BBS2: variants seen among roughly 807,000 people sequenced by gnomAD.
BBS2 encodes Bardet-Biedl syndrome 2.
BBS2 carries 62 observed loss-of-function variants against 83.0 expected under a neutral mutation model. The observed-to-expected ratio is 0.75, with a 90% CI of 0.61 to 0.92. The LOEUF is 0.92. BBS2 is among the 40% of genes least tolerant of loss of function. The pLI is 0.00. For missense variants in BBS2, 784 were observed against 901.0 expected (o/e 0.87, Z 1.66); for synonymous variants, 303 against 326.1 (o/e 0.93, Z 0.76).
At chr16:56,509,853 C>T (rs890120327) in intron 5 of BBS2, 104 bp downstream of exon 5, 1 of 1,224,148 alleles carries the variant, frequency 8.2e-7, no homozygotes, top group Non-Finnish European at 1.2e-6. Flanking sequence ...TATCCTAAAA[C>T]CACCTGGGTT....
intron 17 of BBS2, chr16:56,478,408 C>T (rs1187509934): frequency 6.6e-6 from 1 of 152,182 alleles, no homozygotes; most frequent in African/African-American, 2.4e-5. Flanking sequence ...AGTGTAGCAA[C>T]ACTCAAGTGG....
intron 1 of BBS2, among the ~76,000 whole-genome samples, chr16:56,516,972 C>G (rs749096364): frequency 3.9e-5 from 6 of 152,038 alleles, no homozygotes; most frequent in Non-Finnish European, 5.9e-5. Context: ...TTACACAGGA[C>G]AAGGGATCTC....
chr16:56,511,322 T>A (rs1264928945), intron 2 of BBS2, 38 bp from the exon 3 acceptor site: 1 of 1,611,636 alleles, frequency 6.2e-7, no homozygotes, highest in South Asian at 1.1e-5. Context: ...TTAGACACGA[T>A]AATATGCAGG....
chr16:56,504,342 G>GTTA (rs776066028), intron 7 of BBS2, among the ~76,000 whole-genome samples: 4 of 152,134 alleles, frequency 2.6e-5, no homozygotes, highest in Non-Finnish European at 5.9e-5. Context: ...CAAATAAGAA[G>GTTA]GCTCATTTGC....
chr16:56,490,824 C>A (rs963966633), intron 15 of BBS2, among the ~76,000 whole-genome samples: 2 of 151,100 alleles, frequency 1.3e-5, no homozygotes, highest in African/African-American at 2.4e-5. Flanking sequence ...GGCAGTGGTG[C>A]GATCTCAGCT....
chr16:56,497,972 A>G, intron 13 of BBS2, 92 bp from the exon 14 acceptor site: 1 of 1,304,828 alleles, frequency 7.7e-7, no homozygotes, highest in East Asian at 2.3e-5. Flanking sequence ...ACTCAACAAA[A>G]TTATTGTGCA....
At chr16:56,497,580 C>A in intron 14 of BBS2, 163 bp downstream of exon 14, 1 of 884,312 alleles carries the variant, frequency 1.1e-6, no homozygotes, top group East Asian at 2.6e-5. Context: ...AAAATAAATC[C>A]TTAAGTAGTA....
In BBS2 at chr16:56,520,008, C is replaced by T. The variant is rs886052153; in HGVS notation, c.-146G>A. 12 of 720,046 alleles carry T rather than the reference C, an allele frequency of 1.7e-5. No homozygotes were observed. The highest frequency in any genetic ancestry group is 3.0e-5 in the Non-Finnish European group (12 of 403,664). The allele number at this position is 720,046 out of a possible 1,614,324, so 44.6% of individuals were successfully genotyped here. A position where few individuals can be genotyped will look rare whatever the true frequency, so the allele number is the denominator to read the frequency against. On this transcript the variant is annotated 5_prime_UTR_variant, in exon 1 of 17. Coordinates refer to ENST00000245157, the MANE Select transcript of BBS2 (RefSeq NM_031885.5). ...GGACGCGAAACAGCCCGGGACGAAC[C>T]CGTCCAGGTACCGCCTGCTCCTCCT...
intron 5 of BBS2, 39 bp downstream of exon 5, chr16:56,509,918 T>C (rs759212040): frequency 6.2e-7 from 1 of 1,600,096 alleles, no homozygotes; most frequent in Non-Finnish European, 8.6e-7. Flanking sequence ...CTGATCTATC[T>C]TGCTCAAGGT....
At chr16:56,480,440 G>C (rs1963642955), downstream of BBS2, among the ~76,000 whole-genome samples, 1 of 148,286 alleles carries the variant, frequency 6.7e-6, no homozygotes, top group Non-Finnish European at 1.5e-5. Context: ...TTTTTTTTGA[G>C]ACGGAGTCTC....
chr16:56,511,464 A>G (rs1964575260), intron 2 of BBS2, among the ~76,000 whole-genome samples, 180 bp from the exon 3 acceptor site: 2 of 152,200 alleles, frequency 1.3e-5, no homozygotes, highest in South Asian at 2.1e-4. Context: ...CTACTTTACT[A>G]TTAAGTCCTT....
intron 10 of BBS2, 52 bp downstream of exon 10, chr16:56,501,301 A>C (rs2144144807): frequency 6.3e-7 from 1 of 1,599,134 alleles, no homozygotes; most frequent in Non-Finnish European, 8.6e-7. Context: ...AAAAAGAATG[A>C]CTCCAAGATG....
intron 12 of BBS2, chr16:56,499,298 C>A: frequency 4.5e-6 from 1 of 221,358 alleles, no homozygotes; most frequent in Non-Finnish European, 9.0e-6. Flanking sequence ...ATCATGTAAT[C>A]CTCGGGCCCC....
At chr16:56,508,862 G>A (rs1039741434) in intron 5 of BBS2, among the ~76,000 whole-genome samples, 2 of 151,716 alleles carry the variant, frequency 1.3e-5, no homozygotes, top group African/African-American at 2.4e-5. Context: ...TTGCCCAGGC[G>A]GGTCTCAAAC....
At chr16:56,475,903 C>A in intron 17 of BBS2, 1 of 724,850 alleles carries the variant, frequency 1.4e-6, no homozygotes, top group Non-Finnish European at 2.2e-6. Flanking sequence ...TGACAGCCAC[C>A]CCTAGTAAGT....
intron 11 of BBS2, 87 bp from the exon 12 acceptor site, chr16:56,499,994 G>T: frequency 6.6e-7 from 1 of 1,523,046 alleles, no homozygotes. Flanking sequence ...AGCCACTTCT[G>T]GGTCATCAAT....
chr16:56,502,595 C>G (rs1964306661), intron 8 of BBS2, 78 bp downstream of exon 8: 5 of 1,611,056 alleles, frequency 3.1e-6, no homozygotes, highest in Non-Finnish European at 4.2e-6. Flanking sequence ...ACAAATACTT[C>G]AGGTGAAATT....
At chr16:56,472,662 A>G (rs1435027463) in intron 17 of BBS2, among the ~76,000 whole-genome samples, 1 of 152,212 alleles carries the variant, frequency 6.6e-6, no homozygotes, top group Non-Finnish European at 1.5e-5. Context: ...ATAATAATCT[A>G]CAAGTGGCCA....
chr16:56,502,918 A>C (rs186811866), intron 7 of BBS2, 110 bp from the exon 8 acceptor site: 88 of 1,357,160 alleles, frequency 6.5e-5, no homozygotes, highest in Admixed American at 1.6e-4. Flanking sequence ...AGTTTTCAAG[A>C]GTATTCTATG....
Sources: gnomAD v4.1 joint callset for allele counts (sites outside exome capture counted in the v4.1 genomes callset) on GRCh38, gnomAD v4.1.1 for gene constraint, MANE v1.5 for transcripts, NCBI Gene and HGNC (gene_info 2026-07-23, HGNC 2026-07-21) for gene names.